The following PRKRIP1 variants were observed in gnomAD, a reference collection of about 807,000 sequenced individuals.
The protein encoded by PRKRIP1 is PRKR interacting protein 1.
PRKRIP1 carries 29 observed loss-of-function variants against 29.3 expected under a neutral mutation model. The observed-to-expected ratio is 0.99, with a 90% CI of 0.74 to 1.35. PRKRIP1 has a LOEUF of 1.35. PRKRIP1 is among the 40% of genes most tolerant of loss of function. The pLI, the probability that PRKRIP1 is intolerant of heterozygous loss-of-function variation, is 0.00. For synonymous variants in PRKRIP1, 90 were observed against 85.1 expected, an observed-to-expected ratio of 1.06 and a Z score of -0.32; for missense variants, 247 against 236.8, an observed-to-expected ratio of 1.04 and a Z score of -0.28.
intron 3 of PRKRIP1, among the ~76,000 whole-genome samples, chr7:102,400,318 GA>G (rs565602035): frequency 8.8e-5 from 13 of 147,076 alleles, no homozygotes; most frequent in African/African-American, 2.0e-4. Flanking sequence ...TCAAAAAAAG[GA>G]AAAAAAAAAT....
At chr7:102,413,337 G>GT (rs1350567585) in intron 5 of PRKRIP1, among the ~76,000 whole-genome samples, 1 of 152,258 alleles carries the variant, frequency 6.6e-6, no homozygotes, top group East Asian at 1.9e-4. Context: ...GGATCAAACT[G>GT]TTTCTTTCAG....
chr7:102,399,734 G>A, intron 3 of PRKRIP1, 86 bp downstream of exon 3: 2 of 1,077,180 alleles, frequency 1.9e-6, no homozygotes, highest in South Asian at 2.6e-5. Flanking sequence ...GAAGAGGCTG[G>A]GCGTGGTGGC....
intron 5 of PRKRIP1, among the ~76,000 whole-genome samples, chr7:102,414,251 G>T (rs1366956922): frequency 6.6e-6 from 1 of 151,822 alleles, no homozygotes; most frequent in Non-Finnish European, 1.5e-5. Context: ...AAAAAAGAGT[G>T]GGGGAAGGAA....
At chr7:102,404,449 T>C in intron 3 of PRKRIP1, 149 bp from the exon 4 acceptor site, 1 of 670,514 alleles carries the variant, frequency 1.5e-6, no homozygotes. Context: ...GGGACAGCCT[T>C]TTAAAGTTAA....
At chr7:102,415,330 A>C (rs1796505376) in intron 5 of PRKRIP1, among the ~76,000 whole-genome samples, 2 of 152,168 alleles carry the variant, frequency 1.3e-5, no homozygotes, top group African/African-American at 4.8e-5. Context: ...TCCGCCTCCC[A>C]GGTTCAAGAG....
intron 2 of PRKRIP1, among the ~76,000 whole-genome samples, chr7:102,397,990 T>A (rs1795960514): frequency 6.6e-6 from 1 of 151,634 alleles, no homozygotes. Context: ...GAGCTTGCAG[T>A]GAGCCGAGAT....
At chr7:102,419,506 G>C (rs2103229) in intron 5 of PRKRIP1, among the ~76,000 whole-genome samples, 1 of 152,058 alleles carries the variant, frequency 6.6e-6, no homozygotes, top group Admixed American at 6.6e-5. Context: ...CACCACTGCC[G>C]TATCATACAG....
At chr7:102,408,944 C>T (rs930494372) in intron 5 of PRKRIP1, among the ~76,000 whole-genome samples, 2 of 152,188 alleles carry the variant, frequency 1.3e-5, no homozygotes, top group African/African-American at 4.8e-5. Flanking sequence ...GAAGCCAAGG[C>T]GAGTGGATCA....
chr7:102,425,259 T>G lies in PRKRIP1; in HGVS notation c.*148T>G. On this transcript the variant is annotated 3_prime_UTR_variant, in exon 6 of 6. Coordinates refer to ENST00000397912, the MANE Select transcript of PRKRIP1 (RefSeq NM_024653.4). ...ACCCCTCCCGAGCCGCTCACAGTCC[T>G]GTATTTGGCAGGTTTGGGAGCCTGA... 1.3e-6 allele frequency: 2 copies of G among 1,488,304 alleles called. No homozygotes were observed. Among genetic ancestry groups the G allele is most frequent in the Non-Finnish European group, 1.8e-6 (2 of 1,123,068 alleles). The allele number at this position is 1,488,304 out of a possible 1,614,324, so 92.2% of individuals were successfully genotyped here.
chr7:102,397,219 C>T (rs1795930923), intron 1 of PRKRIP1, among the ~76,000 whole-genome samples: 2 of 152,128 alleles, frequency 1.3e-5, no homozygotes, highest in Admixed American at 6.6e-5. Context: ...AGTCCTGCTT[C>T]ATTAGTCAAT....
rs782627482 is a variant in PRKRIP1, at chr7:102,397,700, T to C, written c.205+2T>C. 6.3e-7 allele frequency: 1 copy of C among 1,584,314 alleles called. No individual in the cohort carries two copies. The highest frequency in any genetic ancestry group is 1.1e-5 in the South Asian group (1 of 89,392). On this transcript the variant is annotated splice_donor_variant, in intron 2 of 5. Coordinates refer to ENST00000397912, the MANE Select transcript of PRKRIP1 (RefSeq NM_024653.4). LOFTEE classifies it high-confidence loss of function. Reference sequence around the variant, plus strand: ...CAGAATTTGTCCGAGATGTCATGGGTAATGGCTGTGTGTGTGTGTGTGTGT... The same window carrying C: ...CAGAATTTGTCCGAGATGTCATGGGCAATGGCTGTGTGTGTGTGTGTGTGT...
chr7:102,414,083 C>A (rs539599326), intron 5 of PRKRIP1, among the ~76,000 whole-genome samples: 2 of 152,106 alleles, frequency 1.3e-5, no homozygotes, highest in East Asian at 3.9e-4. Flanking sequence ...AAAAATAAGC[C>A]GGGCATAATA....
intron 4 of PRKRIP1, 92 bp from the exon 5 acceptor site, chr7:102,407,342 C>T (rs1796259795): frequency 1.4e-6 from 1 of 717,606 alleles, no homozygotes; most frequent in Admixed American, 2.7e-5. Context: ...TGTTATTCCG[C>T]AGGTTTTAGA....
At chr7:102,416,993 C>CT (rs1261619501) in intron 5 of PRKRIP1, among the ~76,000 whole-genome samples, 1 of 151,968 alleles carries the variant, frequency 6.6e-6, no homozygotes, top group Non-Finnish European at 1.5e-5. Context: ...GTAGCTGGGA[C>CT]TACAGGCACC....
In PRKRIP1 at chr7:102,425,461, G is replaced by A. The variant is rs1323358096; in HGVS notation, c.*350G>A. The stretch of plus-strand genomic sequence containing the variant: ...GCAGAACACCCTTGCGTTTTGTTGG[G>A]ACATGTGGACCGTGAGTCGCAAACA... On this transcript the variant is annotated 3_prime_UTR_variant, in exon 6 of 6. Transcript: ENST00000397912. 1.2e-5 allele frequency: 4 copies of A among 324,610 alleles called. No homozygotes were observed. The highest frequency in any genetic ancestry group is 1.1e-4 in the East Asian group (1 of 9,124). 20.1% of individuals were successfully genotyped at this position (324,610 alleles called of 1,614,324 possible).
At chr7:102,411,936 GT>G (rs782773368) in intron 5 of PRKRIP1, among the ~76,000 whole-genome samples, 2 of 70,204 alleles carry the variant, frequency 2.8e-5, no homozygotes, top group African/African-American at 4.7e-5. Flanking sequence ...TGTTGTTGTT[GT>G]TTTGTTTGTT....
At chr7:102,411,449 A>G (rs1305266422) in intron 5 of PRKRIP1, among the ~76,000 whole-genome samples, 2 of 151,810 alleles carry the variant, frequency 1.3e-5, no homozygotes, top group Non-Finnish European at 2.9e-5. Flanking sequence ...ACAGTGTGCA[A>G]TCTTGGCTCA....
At chr7:102,411,312 A>G (rs1232461448) in intron 5 of PRKRIP1, among the ~76,000 whole-genome samples, 1 of 151,932 alleles carries the variant, frequency 6.6e-6, no homozygotes, top group African/African-American at 2.4e-5. Context: ...TGGCCTCTCA[A>G]AGTGCTGGGA....
chr7:102,396,514 C>G lies in PRKRIP1; in HGVS notation c.103C>G (p.Leu35Val). Residue 35 changes from leucine to valine, a missense_variant, in exon 1 of 6, where the codon CTG becomes GTG. This residue lies in a region of PRKRIP1 where 105 missense variants were observed against 80.2 expected (regional missense o/e 1.31). Coordinates refer to ENST00000397912, the MANE Select transcript of PRKRIP1 (RefSeq NM_024653.4). ...TGCGGCGGAGGAGCAGAAGCTCAAG[C>G]TGGAGCGGCTCATGAAGAACCCGGT... ...KNAAEEQKLK[L>V]ERLMKNPDKA... is the part of the protein sequence containing the mutation. 3.7e-6 allele frequency: 6 copies of G among 1,609,640 alleles called. No homozygotes were observed. Among genetic ancestry groups the G allele is most frequent in the Non-Finnish European group, 5.1e-6 (6 of 1,178,794 alleles).
Sources: gnomAD v4.1 joint callset for allele counts (sites outside exome capture counted in the v4.1 genomes callset) on GRCh38, gnomAD v4.1.1 for gene constraint, gnomAD v4.1.1 regional missense constraint, MANE v1.5 for transcripts, NCBI Gene and HGNC (gene_info 2026-07-23, HGNC 2026-07-21) for gene names.